The following COL21A1 variants were observed in gnomAD, a reference collection of about 807,000 sequenced individuals.
The protein encoded by COL21A1 is collagen alpha-1(XXI) chain.
Under a neutral mutation model 137.9 loss-of-function variants are expected in COL21A1, and 149 were observed. The observed-to-expected ratio is 1.08, with a 90% confidence interval of 0.95 to 1.24. COL21A1 has a LOEUF of 1.24. Ranked by LOEUF, COL21A1 falls within the 50% of genes most tolerant of loss-of-function variation. The probability of loss-of-function intolerance (pLI) is 0.00; values close to 1 mark genes in which losing one functional copy is unlikely to be tolerated. For missense variants in COL21A1, 1,167 were observed against 1,158.4 expected (o/e 1.01, Z -0.11); for synonymous variants, 456 against 391.5 (o/e 1.16, Z -1.95).
chr6:56,135,634 T>G (rs897236990), intron 12 of COL21A1, among the ~76,000 whole-genome samples: 1 of 152,164 alleles, frequency 6.6e-6, no homozygotes, highest in Admixed American at 6.5e-5. Flanking sequence ...GAAAAACTAC[T>G]GAGAAATATA....
At chr6:56,126,924 T>C (rs959528150) in intron 12 of COL21A1, among the ~76,000 whole-genome samples, 3 of 152,186 alleles carry the variant, frequency 2.0e-5, no homozygotes, top group Non-Finnish European at 4.4e-5. Context: ...ATATCATCTG[T>C]GACTGATATA....
Position 56,164,796 on chromosome 6 carries a change from A to T in COL21A1, c.1287+18T>A. On this transcript the variant is annotated intron_variant, in intron 8 of 29. Coordinates refer to ENST00000244728, the MANE Select transcript of COL21A1 (RefSeq NM_030820.4). ...ATACAAATATTACCTTAAGGGGAAC[A>T]ATAGTATCCAAGCCTACCTCTCCAT... 3 of 1,565,290 alleles carry T rather than the reference A, an allele frequency of 1.9e-6. No individual in the cohort carries two copies. The highest frequency in any genetic ancestry group is 1.2e-5 in the South Asian group (1 of 84,058).
chr6:56,144,079 T>A (rs1467548597), intron 10 of COL21A1, among the ~76,000 whole-genome samples: 1 of 152,194 alleles, frequency 6.6e-6, no homozygotes, highest in Non-Finnish European at 1.5e-5. Flanking sequence ...TGAATCTCCT[T>A]CCCTCAACCA....
At position 56,057,515 on chromosome 6, in the gene COL21A1, AT is replaced by A. The variant is rs1363480305; in HGVS notation, c.*141del. The A allele has an allele frequency of 1.3e-5, 10 of 761,608 alleles. No homozygotes were observed. Among genetic ancestry groups the A allele is most frequent in the South Asian group, 8.3e-5 (5 of 60,580 alleles). The allele number at this position is 761,608 out of a possible 1,614,324, so 47.2% of individuals were successfully genotyped here. A position where few individuals can be genotyped will look rare whatever the true frequency, so the allele number is the denominator to read the frequency against. On this transcript the variant is annotated 3_prime_UTR_variant, in exon 30 of 30. Coordinates refer to ENST00000244728, the MANE Select transcript of COL21A1 (RefSeq NM_030820.4). ...AAAATCAGTATATGTGATCTTTTAT[AT>A]TTTTTTCCATAAGAAAAAAAAAATA...
chr6:56,330,695 T>G (rs540132141), intron 1 of COL21A1, among the ~76,000 whole-genome samples: 249 of 152,224 alleles, frequency 1.6e-3, no homozygotes, highest in African/African-American at 5.8e-3. Flanking sequence ...TATTATCCAA[T>G]CATCCATTGA....
chr6:56,156,118 T>C (rs2152256788), intron 10 of COL21A1, among the ~76,000 whole-genome samples: 1 of 152,358 alleles, frequency 6.6e-6, no homozygotes, highest in African/African-American at 2.4e-5. Flanking sequence ...TGTTTTTAAT[T>C]TGAAAGCTTC....
intron 1 of COL21A1, among the ~76,000 whole-genome samples, chr6:56,227,875 G>A (rs1781311213): frequency 6.6e-6 from 1 of 151,988 alleles, no homozygotes; most frequent in Admixed American, 6.6e-5. Flanking sequence ...CTGGCTGGCT[G>A]AGAGGAAATG....
At chr6:56,237,133 C>G (rs936674124) in intron 1 of COL21A1, among the ~76,000 whole-genome samples, 3 of 66,710 alleles carry the variant, frequency 4.5e-5, no homozygotes, top group Admixed American at 1.3e-4. Context: ...AAGAAAAATT[C>G]GAAAGGAAAA....
At chr6:56,333,712 G>T (rs1184492582) in intron 1 of COL21A1, among the ~76,000 whole-genome samples, 1 of 152,086 alleles carries the variant, frequency 6.6e-6, no homozygotes, top group Non-Finnish European at 1.5e-5. Context: ...ATATTCCAAA[G>T]TATCATTTTA....
chr6:56,352,919 T>C (rs1765743739), intron 1 of COL21A1, among the ~76,000 whole-genome samples: 1 of 152,094 alleles, frequency 6.6e-6, no homozygotes, highest in Non-Finnish European at 1.5e-5. Context: ...CGCAAGTCTG[T>C]AGTCCCTGCT....
intron 1 of COL21A1, among the ~76,000 whole-genome samples, chr6:56,334,125 T>C (rs1375395466): frequency 6.6e-6 from 1 of 152,060 alleles, no homozygotes; most frequent in African/African-American, 2.4e-5. Flanking sequence ...AAACCTTCCA[T>C]GACTACTCAA....
chr6:56,118,736 C>G (rs747747532), intron 16 of COL21A1, among the ~76,000 whole-genome samples: 8 of 151,844 alleles, frequency 5.3e-5, no homozygotes, highest in Non-Finnish European at 1.0e-4. Context: ...ATCACAACAA[C>G]CAAGTGGGAT....
chr6:56,363,165 G>A (rs771204701), intron 1 of COL21A1, among the ~76,000 whole-genome samples: 3 of 152,170 alleles, frequency 2.0e-5, no homozygotes, highest in African/African-American at 4.8e-5. Context: ...ACTCATAAAC[G>A]AATGCATGAT....
intron 12 of COL21A1, among the ~76,000 whole-genome samples, chr6:56,127,953 A>G (rs999728386): frequency 1.8e-4 from 28 of 152,240 alleles, no homozygotes; most frequent in African/African-American, 6.7e-4. Context: ...ATAAACGTGG[A>G]CATCCCAGAC....
At chr6:56,127,122 G>T (rs1006510540) in intron 12 of COL21A1, among the ~76,000 whole-genome samples, 1 of 151,988 alleles carries the variant, frequency 6.6e-6, no homozygotes, top group African/African-American at 2.4e-5. Flanking sequence ...CACCATGAAT[G>T]CAGAGGATTA....
At chr6:56,229,476 C>G (rs1217390982) in intron 1 of COL21A1, among the ~76,000 whole-genome samples, 1 of 151,950 alleles carries the variant, frequency 6.6e-6, no homozygotes, top group Non-Finnish European at 1.5e-5. Flanking sequence ...TCTGCTCCAC[C>G]AGCAAAACAC....
chr6:56,196,886 A>C (rs1779056636), intron 1 of COL21A1, among the ~76,000 whole-genome samples: 1 of 152,112 alleles, frequency 6.6e-6, no homozygotes, highest in African/African-American at 2.4e-5. Context: ...TTAAGTCCTA[A>C]AATTTGTATG....
chr6:56,216,727 C>T (rs896349589), intron 1 of COL21A1, among the ~76,000 whole-genome samples: 2 of 152,078 alleles, frequency 1.3e-5, no homozygotes, highest in African/African-American at 4.8e-5. Context: ...GCTATACTTT[C>T]CTGACATATC....
At chr6:56,059,526 A>G (rs1765610484) in intron 28 of COL21A1, among the ~76,000 whole-genome samples, 1 of 152,182 alleles carries the variant, frequency 6.6e-6, no homozygotes, top group South Asian at 2.1e-4. Context: ...ACTTTATGAA[A>G]CATCTAAATT....
Sources: allele counts gnomAD v4.1 joint callset (sites outside exome capture counted in the v4.1 genomes callset), GRCh38; gene constraint gnomAD v4.1.1; transcripts MANE v1.5; gene names NCBI Gene and HGNC (gene_info 2026-07-23, HGNC 2026-07-21).